The following FAT3 variants were observed in gnomAD, a reference collection of about 807,000 sequenced individuals.
The protein encoded by FAT3 is FAT atypical cadherin 3.
FAT3 carries 95 observed loss-of-function variants against 310.2 expected under a neutral mutation model. That is an observed-to-expected ratio of 0.31 (90% CI 0.26 to 0.36). The LOEUF is 0.36. Ranked by LOEUF, FAT3 falls within the 10% of genes least tolerant of loss-of-function variation. FAT3 has a pLI of 1.00. For synonymous variants in FAT3, 2,314 were observed against 2,192.9 expected, an observed-to-expected ratio of 1.06 and a Z score of -1.54; for missense variants, 5,408 against 5,715.6, an observed-to-expected ratio of 0.95 and a Z score of 1.74.
chr11:92,680,733 A>G (rs1288727700), intron 3 of FAT3, among the ~76,000 whole-genome samples: 3 of 152,208 alleles, frequency 2.0e-5, no homozygotes, highest in African/African-American at 4.8e-5. Context: ...ATCTCAATTC[A>G]TATTCACTCT....
At chr11:92,604,060 C>T (rs1312888316) in intron 3 of FAT3, among the ~76,000 whole-genome samples, 1 of 152,190 alleles carries the variant, frequency 6.6e-6, no homozygotes, top group African/African-American at 2.4e-5. Flanking sequence ...ATGTCACATG[C>T]ATATTCTTGA....
intron 1 of FAT3, among the ~76,000 whole-genome samples, chr11:92,247,050 A>T (rs1289799375): frequency 6.6e-6 from 1 of 152,156 alleles, no homozygotes; most frequent in Non-Finnish European, 1.5e-5. Context: ...TTGGAGAGAC[A>T]GAAGGATTGG....
chr11:92,435,640 A>G (rs1950919950), intron 2 of FAT3, among the ~76,000 whole-genome samples: 1 of 145,248 alleles, frequency 6.9e-6, no homozygotes, highest in Non-Finnish European at 1.5e-5. Context: ...ATCTTGGCTC[A>G]TTGCGACCTC....
chr11:92,543,623 A>G (rs1451495130), intron 3 of FAT3, among the ~76,000 whole-genome samples: 3 of 152,166 alleles, frequency 2.0e-5, no homozygotes, highest in African/African-American at 7.2e-5. Context: ...TTATAAGCAA[A>G]ATATTTGTAA....
At chr11:92,228,443 C>G (rs1475477368) in intron 1 of FAT3, among the ~76,000 whole-genome samples, 2 of 152,148 alleles carry the variant, frequency 1.3e-5, no homozygotes, top group Non-Finnish European at 2.9e-5. Context: ...GGTTATTTTG[C>G]TAGCCCACAG....
At chr11:92,401,397 A>G (rs1325258863) in intron 2 of FAT3, among the ~76,000 whole-genome samples, 2 of 152,150 alleles carry the variant, frequency 1.3e-5, no homozygotes, top group East Asian at 3.9e-4. Context: ...CCTCATCTCT[A>G]GGAGGAAAGA....
chr11:92,526,929 A>G (rs541597324), intron 3 of FAT3, among the ~76,000 whole-genome samples: 1 of 152,298 alleles, frequency 6.6e-6, no homozygotes, highest in South Asian at 2.1e-4. Context: ...ATCACCAACC[A>G]CTTATTGTAC....
intron 2 of FAT3, among the ~76,000 whole-genome samples, chr11:92,423,200 C>A (rs55924591): frequency 6.6e-6 from 1 of 152,062 alleles, no homozygotes; most frequent in African/African-American, 2.4e-5. Context: ...ATACACTGGA[C>A]AGCCATGGAT....
chr11:92,255,957 T>G (rs542940110), intron 1 of FAT3, among the ~76,000 whole-genome samples: 1 of 152,242 alleles, frequency 6.6e-6, no homozygotes, highest in South Asian at 2.1e-4. Flanking sequence ...GGAGGTGACA[T>G]CTACCCCATG....
In FAT3 at chr11:92,890,627, GGGT is replaced by G; in HGVS notation, c.13288_13290del (p.Gly4430del). The G allele has an allele frequency of 1.2e-6, 2 of 1,613,692 alleles. No individual in the cohort carries two copies. The highest frequency in any genetic ancestry group is 1.7e-6 in the Non-Finnish European group (2 of 1,179,852). ...GGGAGCTGGAGAGCGATTACTACCTGGGTGGTTATGACATTGACAGTGAATACC... is the reference window on the plus strand; with the variant it reads ...GGGAGCTGGAGAGCGATTACTACCTGGGTTATGACATTGACAGTGAATACC... On this transcript the variant is annotated inframe_deletion, in exon 28 of 28. Transcript: ENST00000525166.
intron 2 of FAT3, among the ~76,000 whole-genome samples, chr11:92,404,017 A>G (rs2134880836): frequency 6.6e-6 from 1 of 152,214 alleles, no homozygotes; most frequent in South Asian, 2.1e-4. Flanking sequence ...CCTGGGCCAC[A>G]GAACAAGAGT....
rs150302722 is a variant in FAT3 at position 92,425,072 on chromosome 11, G to A, written c.3292+69668G>A. 2.9e-3 allele frequency among the ~76,000 whole-genome samples: 437 copies of A among 152,216 alleles called. 1 individual carries two copies. Among genetic ancestry groups the A allele is most frequent in the African/African-American group, 9.8e-3 (409 of 41,534 alleles). The stretch of plus-strand genomic sequence containing the variant: ...CTGTACAATATTTCATCATATGGAT[G>A]TGTCACATTTAACTTGTTTTGAGTT... On this transcript the variant is annotated intron_variant, in intron 2 of 27. Coordinates refer to ENST00000525166, the MANE Select transcript of FAT3 (RefSeq NM_001367949.2).
chr11:92,534,751 G>T (rs1176392024), intron 3 of FAT3, among the ~76,000 whole-genome samples: 1 of 152,146 alleles, frequency 6.6e-6, no homozygotes, highest in Non-Finnish European at 1.5e-5. Flanking sequence ...CGTCACCGAA[G>T]ACAAGATTCA....
At chr11:92,674,882 G>A (rs1365930527) in intron 3 of FAT3, among the ~76,000 whole-genome samples, 7 of 152,148 alleles carry the variant, frequency 4.6e-5, no homozygotes, top group Non-Finnish European at 7.3e-5. Context: ...TGCACATAAT[G>A]AGGATTTTGG....
chr11:92,333,361 G>A (rs542623030), intron 1 of FAT3, among the ~76,000 whole-genome samples: 3 of 152,206 alleles, frequency 2.0e-5, no homozygotes, highest in African/African-American at 7.2e-5. Context: ...AGTCATATTA[G>A]TAATTTAATT....
Position 92,844,692 on chromosome 11 carries a change from G to T in FAT3, c.11325G>T (p.Val3775=). Residue 3775 remains valine (V), a synonymous_variant, in exon 19 of 28, where the codon GTG becomes GTT. Coordinates refer to ENST00000525166, the MANE Select transcript of FAT3 (RefSeq NM_001367949.2). ...MTYSTARISF[V]CPRFYRNVRC... ...ACAGCACGGCTCGCATCAGCTTTGTGTGTCCGCGTTTCTACAGGAACGTGC... is the reference window on the plus strand; with the variant it reads ...ACAGCACGGCTCGCATCAGCTTTGTTTGTCCGCGTTTCTACAGGAACGTGC... The T allele has an allele frequency of 6.3e-7, 1 of 1,580,328 alleles. No individual in the cohort carries two copies. The highest frequency in any genetic ancestry group is 8.6e-7 in the Non-Finnish European group (1 of 1,159,150).
chr11:92,276,026 T>G (rs1946260687), intron 1 of FAT3, among the ~76,000 whole-genome samples: 2 of 152,084 alleles, frequency 1.3e-5, no homozygotes, highest in African/African-American at 4.8e-5. Flanking sequence ...AATCAAGTAC[T>G]GAATATGAAA....
rs1357160473 is a variant in FAT3, at chr11:92,866,934, G to A, written c.11852G>A (p.Ser3951Asn). The change falls in exon 22 of 28, where the codon AGC (serine) becomes AAC (asparagine). Residue 3951 changes from serine (S) to asparagine (N), a missense_variant. Coordinates refer to ENST00000525166, the MANE Select transcript of FAT3 (RefSeq NM_001367949.2). ...GCGCCCCTCTACTTCCAGACGCTGAGCACTGAGAGTAGCATCTACTTCGGC... is the reference window on the plus strand; with the variant it reads ...GCGCCCCTCTACTTCCAGACGCTGAACACTGAGAGTAGCATCTACTTCGGC... Reference protein sequence around the residue: ...RRAPLYFQTLSTESSIYFGAL... With the variant: ...RRAPLYFQTLNTESSIYFGAL... 1 of 1,613,852 alleles carries A rather than the reference G, an allele frequency of 6.2e-7. No homozygotes were observed. Among genetic ancestry groups the A allele is most frequent in the Non-Finnish European group, 8.5e-7 (1 of 1,179,854 alleles).
intron 2 of FAT3, among the ~76,000 whole-genome samples, chr11:92,365,271 A>G (rs1431780233): frequency 1.3e-5 from 2 of 152,192 alleles, no homozygotes; most frequent in Admixed American, 6.5e-5. Context: ...CCCTGTATGA[A>G]AAACAAACAA....
Sources: gnomAD v4.1 joint callset for allele counts (sites outside exome capture counted in the v4.1 genomes callset) on GRCh38, gnomAD v4.1.1 for gene constraint, MANE v1.5 for transcripts, NCBI Gene and HGNC (gene_info 2026-07-23, HGNC 2026-07-21) for gene names.